Variants in SLC15A5 observed in about 807,000 individuals in gnomAD.
SLC15A5 encodes the protein solute carrier family 15 member 5.
Under a neutral mutation model 56.1 loss-of-function variants are expected in SLC15A5, and 58 were observed. The observed-to-expected ratio is 1.03, with a 90% CI of 0.84 to 1.29. The LOEUF (loss-of-function observed/expected upper bound fraction) is 1.29. Among genes scored for constraint, SLC15A5 ranks in the 50% most tolerant of loss-of-function variants. SLC15A5 has a pLI of 0.00. For synonymous variants in SLC15A5, 264 were observed against 250.5 expected (o/e 1.05, Z -0.51); for missense variants, 681 against 672.1 (o/e 1.01, Z -0.15).
chr12:16,190,899 G>A (rs1306222376), intron 8 of SLC15A5, among the ~76,000 whole-genome samples: 1 of 152,018 alleles, frequency 6.6e-6, no homozygotes, highest in Non-Finnish European at 1.5e-5. Flanking sequence ...TATAACATGT[G>A]TTTCACAACA....
intron 3 of SLC15A5, among the ~76,000 whole-genome samples, chr12:16,249,773 ATAG>A (rs1864501456): frequency 6.6e-6 from 1 of 152,078 alleles, no homozygotes; most frequent in Admixed American, 6.6e-5. Flanking sequence ...GAATCCAAAA[ATAG>A]TATATATGAA....
intron 2 of SLC15A5, among the ~76,000 whole-genome samples, chr12:16,259,624 A>G (rs531349980): frequency 1.1e-3 from 170 of 152,354 alleles, no homozygotes; most frequent in Middle Eastern, 3.4e-3. Flanking sequence ...TTTGGTGGTC[A>G]TGAACTTAAT....
intron 5 of SLC15A5, among the ~76,000 whole-genome samples, chr12:16,229,682 A>G (rs980854541): frequency 2.7e-5 from 4 of 150,834 alleles, no homozygotes; most frequent in African/African-American, 9.8e-5. Context: ...ACACACACAC[A>G]CAATCTTAAA....
chr12:16,219,975 G>A (rs140770881), intron 6 of SLC15A5, among the ~76,000 whole-genome samples: 1 of 152,198 alleles, frequency 6.6e-6, no homozygotes, highest in African/African-American at 2.4e-5. Context: ...CAGCATATGA[G>A]GAATCTTCAA....
intron 7 of SLC15A5, among the ~76,000 whole-genome samples, chr12:16,200,423 A>T (rs1019939289): frequency 6.6e-6 from 1 of 151,978 alleles, no homozygotes; most frequent in Non-Finnish European, 1.5e-5. Flanking sequence ...AAAATGATAT[A>T]TACGTAATTC....
intron 7 of SLC15A5, among the ~76,000 whole-genome samples, chr12:16,202,361 A>G (rs554528949): frequency 1.3e-5 from 2 of 152,230 alleles, no homozygotes; most frequent in South Asian, 2.1e-4. Flanking sequence ...TTCAATATCA[A>G]TGATCATCAG....
intron 2 of SLC15A5, among the ~76,000 whole-genome samples, chr12:16,262,549 C>T (rs547733171): frequency 1.3e-5 from 2 of 152,334 alleles, no homozygotes; most frequent in African/African-American, 4.8e-5. Flanking sequence ...TGGATTATAA[C>T]TACATGGTGC....
chr12:16,195,735 C>A (rs1002554154), intron 7 of SLC15A5, among the ~76,000 whole-genome samples: 1 of 152,048 alleles, frequency 6.6e-6, no homozygotes, highest in East Asian at 1.9e-4. Context: ...CTTGGCCTCT[C>A]CCTTGACAAT....
intron 3 of SLC15A5, 149 bp downstream of exon 3, chr12:16,257,552 C>A (rs974604011): frequency 7.5e-6 from 4 of 535,666 alleles, no homozygotes; most frequent in African/African-American, 5.9e-5. Context: ...TAAAAATATT[C>A]TTGCAGACCA....
intron 3 of SLC15A5, among the ~76,000 whole-genome samples, chr12:16,247,321 C>T (rs1233433857): frequency 1.3e-5 from 2 of 152,176 alleles, no homozygotes; most frequent in African/African-American, 2.4e-5. Flanking sequence ...CTAGCTAACA[C>T]AGCAAGGGCA....
At chr12:16,208,765 A>G (rs760963710) in intron 7 of SLC15A5, among the ~76,000 whole-genome samples, 7 of 152,220 alleles carry the variant, frequency 4.6e-5, no homozygotes, top group Non-Finnish European at 8.8e-5. Context: ...TAATTTCAGA[A>G]TGAGGAATTA....
Position 16,262,695 on chromosome 12 carries a change from A to G in SLC15A5, c.585-4825T>C, listed in dbSNP as rs151197392. Among the ~76,000 whole-genome samples, 498 of 152,342 alleles carry G rather than the reference A, an allele frequency of 3.3e-3. 3 individuals are homozygous for G. Among genetic ancestry groups the G allele is most frequent in the Non-Finnish European group, 5.4e-3 (368 of 68,038 alleles). ...ATCCAAATCTCAACTTGTAGCTCTCATAATTCCCACATGTTGTGGGAGGGA... is the reference window on the plus strand; with the variant it reads ...ATCCAAATCTCAACTTGTAGCTCTCGTAATTCCCACATGTTGTGGGAGGGA... On this transcript the variant is annotated intron_variant, in intron 2 of 8. Transcript: ENST00000344941.
chr12:16,198,507 C>T (rs1231421080), intron 7 of SLC15A5, among the ~76,000 whole-genome samples: 3 of 152,030 alleles, frequency 2.0e-5, no homozygotes, highest in East Asian at 3.9e-4. Context: ...TCAGCAGAAC[C>T]CTCATCTTCC....
At chr12:16,212,680 A>G (rs1864095177) in intron 7 of SLC15A5, among the ~76,000 whole-genome samples, 2 of 152,168 alleles carry the variant, frequency 1.3e-5, no homozygotes, top group South Asian at 2.1e-4. Context: ...ATTTTCTGTA[A>G]GACTCTTTTT....
chr12:16,221,375 A>G lies in SLC15A5; in HGVS notation c.1351+3039T>C, dbSNP rs145608674. Among the ~76,000 whole-genome samples, 657 of 152,336 alleles carry G rather than the reference A, an allele frequency of 4.3e-3. 7 individuals carry two copies. Among genetic ancestry groups the G allele is most frequent in the African/African-American group, 0.015 (608 of 41,586 alleles). Reference sequence around the variant, plus strand: ...ATGGAATGCTCAAGGAAGCCCCTCCAAAGAGAAGACCTTTGAGAAAGCTCA... The same window carrying G: ...ATGGAATGCTCAAGGAAGCCCCTCCGAAGAGAAGACCTTTGAGAAAGCTCA... On this transcript the variant is annotated intron_variant, in intron 6 of 8. Coordinates refer to ENST00000344941, the MANE Select transcript of SLC15A5 (RefSeq NM_001170798.1).
intron 3 of SLC15A5, among the ~76,000 whole-genome samples, chr12:16,252,969 G>A (rs4764255): frequency 0.5 from 76,412 of 151,826 alleles, 19,497 homozygotes; most frequent in South Asian, 0.64. Flanking sequence ...AGAGTAGAGA[G>A]CCCAAAAATA....
At chr12:16,240,466 T>C (rs948476234) in intron 4 of SLC15A5, among the ~76,000 whole-genome samples, 11 of 152,100 alleles carry the variant, frequency 7.2e-5, no homozygotes, top group African/African-American at 2.7e-4. Context: ...AAAAAAACCT[T>C]GTGTCTTTGC....
chr12:16,261,745 A>G (rs1239379918), intron 2 of SLC15A5, among the ~76,000 whole-genome samples: 2 of 152,198 alleles, frequency 1.3e-5, no homozygotes, highest in South Asian at 2.1e-4. Flanking sequence ...TTGGTATACT[A>G]CATGTGTACT....
Position 16,196,921 on chromosome 12 carries a change from C to G in SLC15A5, c.1484-2468G>C, listed in dbSNP as rs887832236. On this transcript the variant is annotated intron_variant, in intron 7 of 8. Transcript: ENST00000344941. This position sits in a 1 kb window ranked among gnomAD's most constrained non-coding sequence, Gnocchi z 4.0. ...ATCCCCCTGGGCACACCAGAGCACT[C>G]TCATCACTGGGGATGCTGTGGAAAA... Among the ~76,000 whole-genome samples the G allele has an allele frequency of 1.3e-5, 2 of 151,998 alleles. No individual in the cohort carries two copies. The highest frequency in any genetic ancestry group is 4.8e-5 in the African/African-American group (2 of 41,392).
Sources: allele counts gnomAD v4.1 joint callset (sites outside exome capture counted in the v4.1 genomes callset), GRCh38; gene constraint gnomAD v4.1.1; non-coding constraint Gnocchi (gnomAD v3.1); transcripts MANE v1.5; gene names NCBI Gene and HGNC (gene_info 2026-07-23, HGNC 2026-07-21).